Variants in GRIK2 observed in about 807,000 individuals in gnomAD.
GRIK2 encodes the protein glutamate ionotropic receptor kainate type subunit 2.
A neutral mutation model predicts 100.3 loss-of-function variants in GRIK2; 32 were observed. That is an observed-to-expected ratio of 0.32 (90% CI 0.24 to 0.43). GRIK2 has a LOEUF of 0.43. Among genes scored for constraint, GRIK2 ranks in the 20% least tolerant of loss-of-function variants. The probability of loss-of-function intolerance (pLI) is 1.00; values close to 1 mark genes in which losing one functional copy is unlikely to be tolerated. For missense variants in GRIK2, 843 were observed against 1,114.9 expected (o/e 0.76, Z 3.47); for synonymous variants, 417 against 389.4 (o/e 1.07, Z -0.83).
intron 7 of GRIK2, among the ~76,000 whole-genome samples, chr6:101,755,574 A>G (rs1777087258): frequency 2.0e-5 from 3 of 152,226 alleles, no homozygotes; most frequent in Admixed American, 1.3e-4. Flanking sequence ...CCTCATGGAG[A>G]TATAATGGGA....
Position 101,817,226 on chromosome 6 carries a change from G to A in GRIK2, c.1204-1144G>A, listed in dbSNP as rs570795542. Among the ~76,000 whole-genome samples the A allele has an allele frequency of 3.3e-5, 5 of 152,240 alleles. No individual in the cohort carries two copies. In the South Asian group the frequency reaches 1.0e-3, roughly 32 times the overall value. On this transcript the variant is annotated intron_variant, in intron 9 of 16. Transcript: ENST00000369134. ...AGGAATATACAGAATTTAATGGTGA[G>A]AGGAAAATTAACTCCATATGAGGAA... is the stretch of plus-strand genomic sequence containing the variant.
chr6:101,991,760 T>C (rs1038457560), intron 14 of GRIK2, among the ~76,000 whole-genome samples: 1 of 151,664 alleles, frequency 6.6e-6, no homozygotes, highest in East Asian at 1.9e-4. Context: ...TCTGTTGTTG[T>C]TGGTAGCAGC....
Position 102,050,918 on chromosome 6 carries a change from T to C in GRIK2, c.2312-4412T>C, listed in dbSNP as rs577119388. On this transcript the variant is annotated intron_variant, in intron 15 of 16. Coordinates refer to ENST00000369134, the MANE Select transcript of GRIK2 (RefSeq NM_021956.5). Reference sequence around the variant, plus strand: ...TATTTGGTGAGATTTGTGTTTACTGTTTATAATAATCACAGTTTAATCTCT... The same window carrying C: ...TATTTGGTGAGATTTGTGTTTACTGCTTATAATAATCACAGTTTAATCTCT... 2.0e-5 allele frequency among the ~76,000 whole-genome samples: 3 copies of C among 152,230 alleles called. No homozygotes were observed. In the South Asian group the frequency reaches 6.2e-4, roughly 32 times the overall value.
intron 2 of GRIK2, among the ~76,000 whole-genome samples, chr6:101,419,574 G>T (rs1370645366): frequency 6.6e-6 from 1 of 152,180 alleles, no homozygotes; most frequent in Non-Finnish European, 1.5e-5. Flanking sequence ...GATAATAATT[G>T]TATAGTGCTT....
intron 9 of GRIK2, among the ~76,000 whole-genome samples, chr6:101,805,642 A>C (rs1280794898): frequency 6.6e-6 from 1 of 152,022 alleles, no homozygotes; most frequent in South Asian, 2.1e-4. Context: ...TTATGCCCTC[A>C]TGAAGGTTAT....
Position 101,494,971 on chromosome 6 carries a change from T to TTTTA in GRIK2, c.115+95580_115+95581insTTAT, listed in dbSNP as rs1554209024. Among the ~76,000 whole-genome samples the TTTTA allele has an allele frequency of 3.0e-4, 32 of 107,958 alleles. 1 individual carries two copies. The highest frequency in any genetic ancestry group is 1.1e-3 in the African/African-American group (30 of 28,404). 70.8% of individuals were successfully genotyped at this position (107,958 alleles called of 152,430 possible). ...TAAAAAGTAATACCTATATATGCATTTATATATATATATATATATATATAT... is the reference window on the plus strand; with the variant it reads ...TAAAAAGTAATACCTATATATGCATTTTTATATATATATATATATATATATATAT... On this transcript the variant is annotated intron_variant, in intron 2 of 16. Coordinates refer to ENST00000369134, the MANE Select transcript of GRIK2 (RefSeq NM_021956.5).
At chr6:101,661,814 A>G (rs1324404402) in intron 4 of GRIK2, among the ~76,000 whole-genome samples, 2 of 151,934 alleles carry the variant, frequency 1.3e-5, no homozygotes, top group Non-Finnish European at 2.9e-5. Context: ...CCACTGTCTA[A>G]CTAGTCCCAA....
intron 4 of GRIK2, among the ~76,000 whole-genome samples, chr6:101,637,810 T>G (rs1475515128): frequency 6.6e-6 from 1 of 152,126 alleles, no homozygotes; most frequent in African/African-American, 2.4e-5. Context: ...GCAGCTTTCC[T>G]TGAATAATTA....
intron 14 of GRIK2, among the ~76,000 whole-genome samples, chr6:102,006,390 A>ATATATATATATTTTTTT (rs1315524835): frequency 1.8e-4 from 20 of 114,086 alleles, no homozygotes; most frequent in Non-Finnish European, 2.8e-4. Flanking sequence ...ATATATATAT[A>ATATATATATATTTTTTT]TTTTTTTTTT....
intron 7 of GRIK2, among the ~76,000 whole-genome samples, chr6:101,746,190 A>G (rs1318186527): frequency 2.6e-5 from 4 of 152,140 alleles, no homozygotes; most frequent in Non-Finnish European, 5.9e-5. Flanking sequence ...TCATTTGTCT[A>G]ACTAATCTCT....
intron 7 of GRIK2, among the ~76,000 whole-genome samples, chr6:101,693,124 G>A (rs887275068): frequency 4.6e-5 from 7 of 152,002 alleles, no homozygotes; most frequent in South Asian, 2.1e-4. Context: ...GATTAAATAA[G>A]CAGCATTTAA....
chr6:101,594,182 G>A (rs2128307695), intron 2 of GRIK2, among the ~76,000 whole-genome samples: 1 of 151,866 alleles, frequency 6.6e-6, no homozygotes, highest in South Asian at 2.1e-4. Context: ...GCACTAAAAT[G>A]TTATACCAAG....
At chr6:101,935,917 C>T (rs1790587571) in intron 14 of GRIK2, among the ~76,000 whole-genome samples, 1 of 151,944 alleles carries the variant, frequency 6.6e-6, no homozygotes, top group African/African-American at 2.4e-5. Context: ...GATGAAATAC[C>T]TAATATACTT....
intron 2 of GRIK2, among the ~76,000 whole-genome samples, chr6:101,427,131 C>A (rs1034043066): frequency 6.6e-6 from 1 of 152,118 alleles, no homozygotes; most frequent in African/African-American, 2.4e-5. Flanking sequence ...GGGCAGAAGC[C>A]AATTACCACA....
chr6:101,431,443 G>A, intron 2 of GRIK2: 1 of 152,470 alleles, frequency 6.6e-6, no homozygotes, highest in Non-Finnish European at 1.5e-5. Context: ...AACAATGGAG[G>A]GGAACATGGC....
intron 2 of GRIK2, among the ~76,000 whole-genome samples, chr6:101,460,112 A>G (rs762527265): frequency 9.9e-5 from 15 of 151,284 alleles, no homozygotes; most frequent in Admixed American, 9.2e-4. Context: ...TTCTCCTGTT[A>G]CTCCCTTTTT....
intron 2 of GRIK2, among the ~76,000 whole-genome samples, chr6:101,580,768 C>T (rs1778042817): frequency 1.3e-5 from 2 of 152,160 alleles, no homozygotes; most frequent in African/African-American, 2.4e-5. Flanking sequence ...AGGCATGCTC[C>T]TGCCTCTGGG....
At chr6:101,621,812 TTC>T (rs984720207) in intron 2 of GRIK2, 135 bp from the exon 3 acceptor site, 16 of 646,202 alleles carry the variant, frequency 2.5e-5, no homozygotes, top group East Asian at 2.2e-4. Flanking sequence ...CTCTCTCTCT[TTC>T]TCTCTCTCAC....
chr6:101,445,734 A>C (rs1372392481), intron 2 of GRIK2, among the ~76,000 whole-genome samples: 1 of 152,078 alleles, frequency 6.6e-6, no homozygotes, highest in Non-Finnish European at 1.5e-5. Flanking sequence ...GTTTTACAGC[A>C]CTTGGGATCT....
Sources: allele counts gnomAD v4.1 joint callset (sites outside exome capture counted in the v4.1 genomes callset), GRCh38; gene constraint gnomAD v4.1.1; transcripts MANE v1.5; gene names NCBI Gene and HGNC (gene_info 2026-07-23, HGNC 2026-07-21).